GMDS: variants seen among roughly 807,000 people sequenced by gnomAD.
GMDS encodes GDP-mannose 4,6 dehydratase.
A neutral mutation model predicts 49.9 loss-of-function variants in GMDS; 20 were observed. That is an observed-to-expected ratio of 0.40 (90% CI 0.28 to 0.58). GMDS has a LOEUF of 0.58. Ranked by LOEUF, GMDS falls within the 20% of genes least tolerant of loss-of-function variation. The probability of loss-of-function intolerance (pLI) is 0.42; values close to 1 mark genes in which losing one functional copy is unlikely to be tolerated. For synonymous variants in GMDS, 177 were observed against 178.6 expected, an observed-to-expected ratio of 0.99 and a Z score of 0.07; for missense variants, 362 against 481.4, an observed-to-expected ratio of 0.75 and a Z score of 2.32.
intron 6 of GMDS, among the ~76,000 whole-genome samples, chr6:1,938,698 T>C (rs1762664144): frequency 1.3e-5 from 2 of 152,126 alleles, no homozygotes; most frequent in African/African-American, 4.8e-5. Flanking sequence ...GACTCTTTAA[T>C]CAAGTCTAGA....
chr6:1,992,451 C>T (rs1766007655), intron 4 of GMDS, among the ~76,000 whole-genome samples: 1 of 152,212 alleles, frequency 6.6e-6, no homozygotes, highest in Non-Finnish European at 1.5e-5. Flanking sequence ...TGCCTATTCA[C>T]CCACATCAGC....
At chr6:1,922,953 G>A (rs1761795039) in intron 7 of GMDS, among the ~76,000 whole-genome samples, 1 of 152,162 alleles carries the variant, frequency 6.6e-6, no homozygotes, top group African/African-American at 2.4e-5. Context: ...CTGAATCATG[G>A]GGGCGGTTCC....
At chr6:2,104,901 A>G (rs9392367) in intron 4 of GMDS, among the ~76,000 whole-genome samples, 29,387 of 152,064 alleles carry the variant, frequency 0.19, 3,660 homozygotes, top group East Asian at 0.41. Flanking sequence ...CACTAAACCT[A>G]ACCGGGTGCG....
At chr6:1,774,811 G>A (rs1305631536) in intron 7 of GMDS, among the ~76,000 whole-genome samples, 1 of 152,208 alleles carries the variant, frequency 6.6e-6, no homozygotes, top group African/African-American at 2.4e-5. Flanking sequence ...TTGAATCAGT[G>A]TGGCATGTAA....
rs548985236 is a variant in GMDS at position 1,687,477 on chromosome 6, G to A, written c.987+38939C>T. Among the ~76,000 whole-genome samples the A allele has an allele frequency of 1.1e-4, 17 of 152,296 alleles. No homozygotes were observed. In the East Asian group the frequency reaches 2.9e-3, roughly 26 times the overall value. On this transcript the variant is annotated intron_variant, in intron 9 of 10. Coordinates refer to ENST00000380815, the MANE Select transcript of GMDS (RefSeq NM_001500.4). Reference sequence around the variant, plus strand: ...GGTGTTCTGAATTTCAGCCCAGAACGCTTCCCATTGGATTCCAGGGCCAAT... The same window carrying A: ...GGTGTTCTGAATTTCAGCCCAGAACACTTCCCATTGGATTCCAGGGCCAAT...
rs922869140 is a variant in GMDS at position 2,191,205 on chromosome 6, C to T, written c.102+54116G>A. On this transcript the variant is annotated intron_variant, in intron 1 of 10. Transcript: ENST00000380815. This position sits in a 1 kb window ranked among gnomAD's most constrained non-coding sequence, Gnocchi z 4.6. ...GGTCCGCCCCGCATGGGGTGACCAC[C>T]GGGCCTGACACTCCCGACCCGCTAT... 6.6e-6 allele frequency among the ~76,000 whole-genome samples: 1 copy of T among 152,116 alleles called. No individual in the cohort carries two copies. The highest frequency in any genetic ancestry group is 1.9e-4 in the East Asian group (1 of 5,180).
At chr6:1,844,118 C>G (rs1264363048) in intron 7 of GMDS, among the ~76,000 whole-genome samples, 1 of 152,204 alleles carries the variant, frequency 6.6e-6, no homozygotes, top group Non-Finnish European at 1.5e-5. Context: ...GATATACTGA[C>G]AGATCGAATT....
chr6:2,201,985 A>G (rs1403730490), intron 1 of GMDS, among the ~76,000 whole-genome samples: 3 of 129,746 alleles, frequency 2.3e-5, no homozygotes, highest in African/African-American at 5.8e-5. Flanking sequence ...ATGTTAGCAG[A>G]GAGGTGAAGG....
At chr6:1,722,874 T>C (rs1766434132) in intron 9 of GMDS, among the ~76,000 whole-genome samples, 1 of 152,196 alleles carries the variant, frequency 6.6e-6, no homozygotes, top group African/African-American at 2.4e-5. Flanking sequence ...CAAGTACTAA[T>C]GTTATCATCA....
chr6:2,126,665 C>G (rs914781787), intron 1 of GMDS, among the ~76,000 whole-genome samples: 1 of 152,108 alleles, frequency 6.6e-6, no homozygotes, highest in Non-Finnish European at 1.5e-5. Context: ...GATGGAGTCT[C>G]GCTCTTTCAC....
intron 9 of GMDS, among the ~76,000 whole-genome samples, chr6:1,720,875 G>A (rs1453617209): frequency 6.6e-6 from 1 of 152,142 alleles, no homozygotes; most frequent in Non-Finnish European, 1.5e-5. Context: ...ATAGAGTGGG[G>A]GGATCTAATT....
intron 8 of GMDS, among the ~76,000 whole-genome samples, chr6:1,735,523 C>T (rs1020370706): frequency 6.6e-6 from 1 of 152,138 alleles, no homozygotes; most frequent in Non-Finnish European, 1.5e-5. Context: ...TGGGAAGTGG[C>T]CAGGAGAAGC....
intron 1 of GMDS, among the ~76,000 whole-genome samples, chr6:2,171,624 T>C (rs774845729): frequency 2.6e-5 from 4 of 152,150 alleles, no homozygotes; most frequent in Admixed American, 1.3e-4. Flanking sequence ...ACTAACAAAA[T>C]TGTGCTTGCT....
chr6:1,813,011 C>T (rs542149574), intron 7 of GMDS, among the ~76,000 whole-genome samples: 13 of 152,052 alleles, frequency 8.5e-5, no homozygotes, highest in East Asian at 1.9e-4. Flanking sequence ...CTGCTTGAGG[C>T]GGTCGAGACC....
At chr6:1,829,334 T>C (rs1771255256) in intron 7 of GMDS, among the ~76,000 whole-genome samples, 1 of 152,262 alleles carries the variant, frequency 6.6e-6, no homozygotes, top group South Asian at 2.1e-4. Flanking sequence ...TATGTGTATA[T>C]AATTTTAAAT....
intron 7 of GMDS, among the ~76,000 whole-genome samples, chr6:1,913,376 G>T (rs898920608): frequency 9.2e-6 from 1 of 108,118 alleles, no homozygotes; most frequent in East Asian, 2.8e-4. Flanking sequence ...GCGAGACTCC[G>T]TCTCAAACAA....
At chr6:1,717,714 CAGA>C (rs1275357821) in intron 9 of GMDS, 1 of 152,194 alleles carries the variant, frequency 6.6e-6, no homozygotes, top group Non-Finnish European at 1.5e-5. Context: ...AGCATCCTTT[CAGA>C]AGATGTCTTT....
chr6:2,029,053 C>T (rs1045901538), intron 4 of GMDS, among the ~76,000 whole-genome samples: 1 of 150,812 alleles, frequency 6.6e-6, no homozygotes, highest in African/African-American at 2.4e-5. Context: ...CTTTACCATA[C>T]CTTTTTTAAA....
intron 8 of GMDS, among the ~76,000 whole-genome samples, chr6:1,737,753 TACACACAC>T (rs144527413): frequency 8.3e-6 from 1 of 120,764 alleles, no homozygotes; most frequent in Non-Finnish European, 1.6e-5. Context: ...CACATACACA[TACACACAC>T]ACCACACACA....
Sources: allele counts gnomAD v4.1 joint callset (sites outside exome capture counted in the v4.1 genomes callset), GRCh38; gene constraint gnomAD v4.1.1; non-coding constraint Gnocchi (gnomAD v3.1); transcripts MANE v1.5; gene names NCBI Gene and HGNC (gene_info 2026-07-23, HGNC 2026-07-21).